Variants in GHR observed in about 807,000 individuals in gnomAD.
The protein encoded by GHR is growth hormone receptor, also known as GH receptor.
In GHR, 35 loss-of-function variants were observed where a neutral mutation model predicts 67.1. The ratio of observed to expected loss-of-function variants is 0.52; its 90% CI spans 0.40 to 0.69. GHR has a LOEUF of 0.69. GHR is among the 30% of genes least tolerant of loss of function. The pLI is 0.00. For missense variants in GHR, 792 were observed against 764.6 expected (o/e 1.04, Z -0.42); for synonymous variants, 272 against 269.1 (o/e 1.01, Z -0.10).
chr5:42,539,241 G>A (rs1353608487), intron 1 of GHR, among the ~76,000 whole-genome samples: 2 of 151,970 alleles, frequency 1.3e-5, no homozygotes, highest in African/African-American at 4.8e-5. Flanking sequence ...TATTACTTTT[G>A]GGGGGTGTTA....
chr5:42,697,935 G>A (rs1395507366), intron 5 of GHR, among the ~76,000 whole-genome samples: 2 of 152,066 alleles, frequency 1.3e-5, no homozygotes, highest in African/African-American at 2.4e-5. Context: ...TGGTGCAGGC[G>A]GTGGGACATG....
intron 2 of GHR, among the ~76,000 whole-genome samples, chr5:42,576,772 G>A (rs1041834675): frequency 2.6e-5 from 4 of 152,210 alleles, no homozygotes; most frequent in Non-Finnish European, 4.4e-5. Flanking sequence ...GGATGGGTTT[G>A]ATGAAATTGT....
chr5:42,481,112 GT>G (rs1329402505), intron 1 of GHR, among the ~76,000 whole-genome samples: 3 of 152,002 alleles, frequency 2.0e-5, no homozygotes, highest in Non-Finnish European at 4.4e-5. Flanking sequence ...GCATTTGCTT[GT>G]CTGTAAAGTA....
chr5:42,549,276 G>A (rs1169764629), intron 1 of GHR, among the ~76,000 whole-genome samples: 1 of 152,170 alleles, frequency 6.6e-6, no homozygotes, highest in Non-Finnish European at 1.5e-5. Flanking sequence ...TCAACAGAAG[G>A]ACATTCTCCC....
At chr5:42,430,052 G>T (rs1743025330) in intron 1 of GHR, among the ~76,000 whole-genome samples, 1 of 152,210 alleles carries the variant, frequency 6.6e-6, no homozygotes, top group South Asian at 2.1e-4. Flanking sequence ...GAGGTAAATG[G>T]CTTGCCAATG....
At chr5:42,576,069 TAAAA>T (rs1443244917) in intron 2 of GHR, among the ~76,000 whole-genome samples, 8 of 75,494 alleles carry the variant, frequency 1.1e-4, no homozygotes, top group African/African-American at 5.6e-4. Context: ...TAAAATAAAA[TAAAA>T]TAAAATAAAA....
intron 1 of GHR, among the ~76,000 whole-genome samples, chr5:42,537,092 T>C (rs1389313978): frequency 6.6e-6 from 1 of 152,112 alleles, no homozygotes; most frequent in Admixed American, 6.6e-5. Flanking sequence ...ATTGATTTTA[T>C]TTATCTTTTA....
At chr5:42,705,106 T>G (rs1029096089) in intron 6 of GHR, among the ~76,000 whole-genome samples, 1 of 152,168 alleles carries the variant, frequency 6.6e-6, no homozygotes, top group African/African-American at 2.4e-5. Flanking sequence ...ATACATCACA[T>G]TACTAGAACC....
chr5:42,469,960 T>C (rs182589182), intron 1 of GHR, among the ~76,000 whole-genome samples: 2 of 151,736 alleles, frequency 1.3e-5, no homozygotes, highest in Non-Finnish European at 2.9e-5. Flanking sequence ...GTAATTTAAG[T>C]CTCACCTCCT....
At chr5:42,682,262 G>A (rs1294252056) in intron 3 of GHR, among the ~76,000 whole-genome samples, 3 of 152,082 alleles carry the variant, frequency 2.0e-5, no homozygotes, top group Admixed American at 6.5e-5. Context: ...CTTGTTAATT[G>A]CAACATTCCT....
intron 2 of GHR, among the ~76,000 whole-genome samples, chr5:42,603,238 G>C (rs1042865327): frequency 2.6e-5 from 4 of 152,022 alleles, no homozygotes; most frequent in Non-Finnish European, 5.9e-5. Flanking sequence ...ATACTACAGA[G>C]ATTTCATTAT....
At chr5:42,549,828 T>C (rs1748923938) in intron 1 of GHR, 1 of 228,230 alleles carries the variant, frequency 4.4e-6, no homozygotes, top group Non-Finnish European at 7.3e-6. Context: ...GAATACATTT[T>C]TGCAAGATTC....
chr5:42,622,200 GA>G (rs1580073234), intron 2 of GHR, among the ~76,000 whole-genome samples: 1 of 152,250 alleles, frequency 6.6e-6, no homozygotes, highest in East Asian at 1.9e-4. Flanking sequence ...GCTTCTTTGA[GA>G]ATTGATCCCT....
intron 3 of GHR, among the ~76,000 whole-genome samples, chr5:42,639,107 G>A (rs1050017613): frequency 1.3e-5 from 2 of 152,116 alleles, no homozygotes; most frequent in African/African-American, 2.4e-5. Context: ...TAAATGCTTG[G>A]TGATGGATGG....
intron 2 of GHR, among the ~76,000 whole-genome samples, chr5:42,605,333 C>T (rs541050148): frequency 8.6e-5 from 13 of 151,862 alleles, no homozygotes; most frequent in East Asian, 3.9e-4. Context: ...GTCGAGCTCC[C>T]GACCTCAGGT....
intron 2 of GHR, among the ~76,000 whole-genome samples, chr5:42,602,896 G>C (rs1445681887): frequency 6.6e-6 from 1 of 151,994 alleles, no homozygotes. Context: ...AGTTTTTATA[G>C]TAGAATGAAC....
chr5:42,471,493 A>G (rs1745008903), intron 1 of GHR, among the ~76,000 whole-genome samples: 1 of 152,206 alleles, frequency 6.6e-6, no homozygotes, highest in Admixed American at 6.5e-5. Flanking sequence ...TTATCTAAAC[A>G]TTATGCTCTC....
chr5:42,593,231 A>T (rs571616546), intron 2 of GHR, among the ~76,000 whole-genome samples: 15 of 152,344 alleles, frequency 9.8e-5, no homozygotes, highest in African/African-American at 3.4e-4. Context: ...TATCTCATAA[A>T]TCTATATTGC....
rs532899817 is a variant in GHR at position 42,664,107 on chromosome 5, T to C, written c.137-24783T>C. Among the ~76,000 whole-genome samples the C allele has an allele frequency of 2.0e-5, 3 of 152,256 alleles. No individual in the cohort carries two copies. The East Asian group carries it at 5.8e-4, about 29-fold the overall frequency. ...TGAAATAAAAGAGGATACAAAGAAA[T>C]GGAAGAACATTCCATGCTCATGGAT... On this transcript the variant is annotated intron_variant, in intron 3 of 9. Transcript: ENST00000230882.
Sources: gnomAD v4.1 joint callset for allele counts (sites outside exome capture counted in the v4.1 genomes callset) on GRCh38, gnomAD v4.1.1 for gene constraint, MANE v1.5 for transcripts, NCBI Gene and HGNC (gene_info 2026-07-23, HGNC 2026-07-21) for gene names.